Variants in NOP9 observed in about 807,000 individuals in gnomAD.
NOP9 encodes the protein NOP9 nucleolar protein.
NOP9 carries 50 observed loss-of-function variants against 63.0 expected under a neutral mutation model. That is an observed-to-expected ratio of 0.79 (90% CI 0.63 to 1.00). NOP9 has a LOEUF of 1.00. Ranked by LOEUF, NOP9 falls within the 50% of genes least tolerant of loss-of-function variation. NOP9 has a pLI of 0.00. For synonymous variants in NOP9, 343 were observed against 332.8 expected (o/e 1.03, Z -0.33); for missense variants, 758 against 803.0 (o/e 0.94, Z 0.68).
intron 8 of NOP9, 28 bp from the exon 9 acceptor site, chr14:24,304,465 G>A (rs748109134): frequency 1.3e-6 from 2 of 1,568,412 alleles, no homozygotes; most frequent in Non-Finnish European, 1.7e-6. Context: ...TTTTGCTAGG[G>A]AGACCTACTT....
At chr14:24,273,339 C>T in the NOP9 span, among the ~76,000 whole-genome samples, 5 of 152,218 alleles carry the variant, frequency 3.3e-5, no homozygotes, top group Admixed American at 1.3e-4. Flanking sequence ...CCACCACACC[C>T]GACTGATTTT....
the NOP9 span, chr14:24,271,243 G>C: frequency 7.9e-7 from 1 of 1,261,366 alleles, no homozygotes. Context: ...GAAGCAGCAA[G>C]CGTGCCTGGG....
Position 24,308,072 on chromosome 14 carries a change from G to A in NOP9, c.*2977G>A. 1.7e-6 allele frequency: 1 copy of A among 595,350 alleles called. No individual in the cohort carries two copies. The highest frequency in any genetic ancestry group is 2.8e-5 in the East Asian group (1 of 35,228). 36.9% of individuals were successfully genotyped at this position (595,350 alleles called of 1,614,324 possible). A position where few individuals can be genotyped will look rare whatever the true frequency, so the allele number is the denominator to read the frequency against. Reference sequence around the variant, plus strand: ...GGAGGGGCCAGATGGGGTCCTGGAGGAAGAATTGCCTGGCAAAAGCCATTG... The same window carrying A: ...GGAGGGGCCAGATGGGGTCCTGGAGAAAGAATTGCCTGGCAAAAGCCATTG... On this transcript the variant is annotated 3_prime_UTR_variant, in exon 10 of 10. Coordinates refer to ENST00000267425, the MANE Select transcript of NOP9 (RefSeq NM_174913.3).
the NOP9 span, among the ~76,000 whole-genome samples, chr14:24,284,240 G>A: frequency 6.6e-6 from 1 of 152,204 alleles, no homozygotes; most frequent in Non-Finnish European, 1.5e-5. Flanking sequence ...ACTCCTTTGA[G>A]TCCCCACCTT....
Position 24,307,468 on chromosome 14 carries a change from G to A in NOP9, c.*2373G>A. 1 of 1,614,158 alleles carries A rather than the reference G, an allele frequency of 6.2e-7. No homozygotes were observed. The highest frequency in any genetic ancestry group is 8.5e-7 in the Non-Finnish European group (1 of 1,180,010). On this transcript the variant is annotated 3_prime_UTR_variant, in exon 10 of 10. Coordinates refer to ENST00000267425, the MANE Select transcript of NOP9 (RefSeq NM_174913.3). ...GAAAGGTCGCTGGGGTGGTGGAGCT[G>A]AGGTCCAGACCCTCCGTCCAAACTC...
chr14:24,295,656 G>A (rs1323301506), upstream of NOP9, among the ~76,000 whole-genome samples: 1 of 152,214 alleles, frequency 6.6e-6, no homozygotes, highest in Admixed American at 6.5e-5. Flanking sequence ...GGAGGCTATG[G>A]TCATGAACAC....
Position 24,299,854 on chromosome 14 carries a change from G to A in NOP9, c.-101G>A. On this transcript the variant is annotated 5_prime_UTR_variant, in exon 1 of 10. Coordinates refer to ENST00000267425, the MANE Select transcript of NOP9 (RefSeq NM_174913.3). ...TAGTAGCTGCGTCAGGAGCGCGCCC[G>A]CGTTTCTAAACTTTGTCTGGATAAG... The A allele has an allele frequency of 1.4e-6, 2 of 1,402,994 alleles. No individual in the cohort carries two copies. Among genetic ancestry groups the A allele is most frequent in the Non-Finnish European group, 1.9e-6 (2 of 1,066,178 alleles). 86.9% of individuals were successfully genotyped at this position (1,402,994 alleles called of 1,614,324 possible).
Position 24,307,361 on chromosome 14 carries a change from G to A in NOP9, c.*2266G>A. 1 of 1,610,864 alleles carries A rather than the reference G, an allele frequency of 6.2e-7. No homozygotes were observed. The highest frequency in any genetic ancestry group is 8.5e-7 in the Non-Finnish European group (1 of 1,178,238). On this transcript the variant is annotated 3_prime_UTR_variant, in exon 10 of 10. Transcript: ENST00000267425. Reference sequence around the variant, plus strand: ...CCTGCTATAGGAACCGAGGAACTTGGCCTACTTACTTTGGCTAGCAGCTCC... The same window carrying A: ...CCTGCTATAGGAACCGAGGAACTTGACCTACTTACTTTGGCTAGCAGCTCC...
In NOP9 at chr14:24,301,647, GCTGATTTTGAAGTCC is replaced by G; in HGVS notation, c.738_752del (p.Asp246_Pro250del). 6.2e-7 allele frequency: 1 copy of G among 1,614,182 alleles called. No homozygotes were observed. The highest frequency in any genetic ancestry group is 1.3e-5 in the African/African-American group (1 of 75,064). ...GACCCCAGCTCAGGAATGTAAGCCAGCTGATTTTGAAGTCCCTGAAACCTTTTTGAATCGCCTTCA... is the reference window on the plus strand; with the variant it reads ...GACCCCAGCTCAGGAATGTAAGCCAGCTGAAACCTTTTTGAATCGCCTTCA... On this transcript the variant is annotated inframe_deletion, in exon 3 of 10. Coordinates refer to ENST00000267425, the MANE Select transcript of NOP9 (RefSeq NM_174913.3).
chr14:24,297,155 C>CT (rs1203376497), upstream of NOP9, among the ~76,000 whole-genome samples: 1 of 152,220 alleles, frequency 6.6e-6, no homozygotes, highest in Non-Finnish European at 1.5e-5. Context: ...CAGCATTGTA[C>CT]TTTGCAAGTA....
chr14:24,291,514 C>T, the NOP9 span: 2 of 1,601,510 alleles, frequency 1.2e-6, no homozygotes, highest in Non-Finnish European at 1.7e-6. Context: ...CACTACACAT[C>T]CTCCATGCCC....
At chr14:24,303,309 A>C (rs2041411159) in intron 6 of NOP9, 95 bp downstream of exon 6, 1 of 1,502,978 alleles carries the variant, frequency 6.7e-7, no homozygotes, top group Non-Finnish European at 9.2e-7. Context: ...CTCTGGACTC[A>C]GGAAGTCTAA....
At position 24,303,713 on chromosome 14, in the gene NOP9, A is replaced by G. The variant is rs767881421; in HGVS notation, c.1285-19A>G. 4 of 1,607,298 alleles carry G rather than the reference A, an allele frequency of 2.5e-6. No individual in the cohort carries two copies. In the African/African-American group the frequency reaches 4.0e-5, roughly 16 times the overall value. On this transcript the variant is annotated intron_variant, in intron 6 of 9. Coordinates refer to ENST00000267425, the MANE Select transcript of NOP9 (RefSeq NM_174913.3). ...ACGGAGAAGTTCTCAGGTTCATCATATTCTGTCTTCTCCTTTAGGCATTCC... is the reference window on the plus strand; with the variant it reads ...ACGGAGAAGTTCTCAGGTTCATCATGTTCTGTCTTCTCCTTTAGGCATTCC...
rs1367220210 is a variant in NOP9 at position 24,306,101 on chromosome 14, G to A, written c.*1006G>A. The A allele has an allele frequency of 6.2e-7, 1 of 1,613,902 alleles. No homozygotes were observed. The highest frequency in any genetic ancestry group is 2.2e-5 in the East Asian group (1 of 44,892). ...CGGGCGATGTCCTTGCTGTGCTTGG[G>A]CCTCTCCCGTCCCAGGCCATATGAC... On this transcript the variant is annotated 3_prime_UTR_variant, in exon 10 of 10. Transcript: ENST00000267425.
the NOP9 span, among the ~76,000 whole-genome samples, chr14:24,283,023 TG>T: frequency 6.6e-6 from 1 of 152,196 alleles, no homozygotes; most frequent in African/African-American, 2.4e-5. Flanking sequence ...TCTCAGCACA[TG>T]ACAACTCTGT....
In NOP9 at chr14:24,305,839, G is replaced by A. The variant is rs1248286939; in HGVS notation, c.*744G>A. The A allele has an allele frequency of 2.5e-6, 4 of 1,592,328 alleles. No individual in the cohort carries two copies. The East Asian group carries it at 8.9e-5, about 36-fold the overall frequency. ...GGAAGCCATCAAGCTGGGAGATGAGGACTTTCCACAAGCAAGAGCTAACTA... is the reference window on the plus strand; with the variant it reads ...GGAAGCCATCAAGCTGGGAGATGAGAACTTTCCACAAGCAAGAGCTAACTA... On this transcript the variant is annotated 3_prime_UTR_variant, in exon 10 of 10. Coordinates refer to ENST00000267425, the MANE Select transcript of NOP9 (RefSeq NM_174913.3).
intron 9 of NOP9, 23 bp from the exon 10 acceptor site, chr14:24,304,915 A>C (rs1400259279): frequency 6.6e-7 from 1 of 1,512,898 alleles, no homozygotes. Flanking sequence ...GGTAGTACTA[A>C]ACATGAGTGG....
rs778193106 is a variant in NOP9 at position 24,302,264 on chromosome 14, G to A, written c.983G>A (p.Ser328Asn). ...PLLLFLRDQT[S>N]SRLLEQVLLV... is the part of the protein sequence containing the mutation. ...CTGCTATTTCTCCGAGATCAGACGAGTTCCAGACTCCTGGAGCAGGTCCTG... is the reference window on the plus strand; with the variant it reads ...CTGCTATTTCTCCGAGATCAGACGAATTCCAGACTCCTGGAGCAGGTCCTG... The change falls in exon 5 of 10, where the codon AGT becomes AAT. Residue 328 changes from serine to asparagine, a missense_variant. By Grantham distance (46) the Ser-to-Asn change is conservative. Coordinates refer to ENST00000267425, the MANE Select transcript of NOP9 (RefSeq NM_174913.3). 5.6e-6 allele frequency: 9 copies of A among 1,613,716 alleles called. No individual in the cohort carries two copies. Among genetic ancestry groups the A allele is most frequent in the Admixed American group, 5.0e-5 (3 of 60,012 alleles).
rs1566409089 is a variant in NOP9 at position 24,300,201 on chromosome 14, G to A, written c.247G>A (p.Asp83Asn). The A allele has an allele frequency of 6.2e-7, 1 of 1,613,578 alleles. No homozygotes were observed. The highest frequency in any genetic ancestry group is 8.5e-7 in the Non-Finnish European group (1 of 1,179,602). Residue 83 changes from aspartate (D) to asparagine (N), a missense_variant and splice_region_variant, in exon 1 of 10, where the codon GAT becomes AAT. Transcript: ENST00000267425. ...KEAPETGEER[D>N]LMVHNIMKEV... ...GGCTCCCGAGACTGGGGAAGAACGA[G>A]GTAGGCAGCAACTTCGGGGTTTAGA...
Sources: gnomAD v4.1 joint callset for allele counts (sites outside exome capture counted in the v4.1 genomes callset) on GRCh38, gnomAD v4.1.1 for gene constraint, MANE v1.5 for transcripts, NCBI Gene and HGNC (gene_info 2026-07-23, HGNC 2026-07-21) for gene names.